The following HAUS8 variants were observed in gnomAD, a reference collection of about 807,000 sequenced individuals.
HAUS8 encodes the protein HAUS augmin-like complex subunit 8.
Under a neutral mutation model 42.9 loss-of-function variants are expected in HAUS8, and 38 were observed. The ratio of observed to expected loss-of-function variants is 0.89; its 90% CI spans 0.68 to 1.16. HAUS8 has a LOEUF of 1.16. Ranked by LOEUF, HAUS8 falls within the 50% of genes most tolerant of loss-of-function variation. HAUS8 has a pLI of 0.00. For missense variants in HAUS8, 494 were observed against 511.6 expected (o/e 0.97, Z 0.33); for synonymous variants, 199 against 205.8 (o/e 0.97, Z 0.28).
At chr19:17,055,701 C>T (rs2057321315) in intron 9 of HAUS8, 160 bp downstream of exon 9, 8 of 707,280 alleles carry the variant, frequency 1.1e-5, no homozygotes, top group East Asian at 5.5e-5. Flanking sequence ...TTACTCAGGG[C>T]GAGACCCTTG....
At chr19:17,070,789 G>T (rs1179497004) in intron 2 of HAUS8, among the ~76,000 whole-genome samples, 1 of 152,220 alleles carries the variant, frequency 6.6e-6, no homozygotes, top group Non-Finnish European at 1.5e-5. Context: ...ATGATTCTAG[G>T]CCAGGCGTAG....
chr19:17,055,193 A>ATATATAG (rs1568635009), intron 9 of HAUS8: 1 of 77,982 alleles, frequency 1.3e-5, no homozygotes, highest in African/African-American at 6.4e-5. Flanking sequence ...TATATATATA[A>ATATATAG]GCCAGGTGTG....
intron 9 of HAUS8, chr19:17,054,979 A>G (rs899706617): frequency 1.3e-5 from 2 of 149,496 alleles, no homozygotes; most frequent in Non-Finnish European, 1.5e-5. Context: ...ACCTCCGCAG[A>G]AAAAAAAGAA....
At chr19:17,065,441 G>A (rs912719315) in intron 3 of HAUS8, among the ~76,000 whole-genome samples, 2 of 152,164 alleles carry the variant, frequency 1.3e-5, no homozygotes, top group Non-Finnish European at 2.9e-5. Flanking sequence ...TGAACAGACA[G>A]GACTTGCTGG....
intron 4 of HAUS8, among the ~76,000 whole-genome samples, chr19:17,061,789 G>A (rs145648308): frequency 7.9e-5 from 12 of 152,240 alleles, no homozygotes; most frequent in African/African-American, 2.9e-4. Context: ...GGTCAGAATC[G>A]CCCTTGAGTA....
chr19:17,050,959 C>T (rs2057283871), intron 10 of HAUS8, among the ~76,000 whole-genome samples: 1 of 151,780 alleles, frequency 6.6e-6, no homozygotes, highest in Admixed American at 6.6e-5. Flanking sequence ...ACTTGGGAGA[C>T]TGGGGTGGGA....
rs752318521 is a variant in HAUS8, at chr19:17,050,114, T to G, written c.992A>C (p.Gln331Pro). 1 of 1,577,156 alleles carries G rather than the reference T, an allele frequency of 6.3e-7. No homozygotes were observed. Among genetic ancestry groups the G allele is most frequent in the South Asian group, 1.2e-5 (1 of 86,038 alleles). Residue 331 changes from glutamine (Q) to proline (P), a missense_variant, in exon 11 of 11, where the codon CAG (glutamine) becomes CCG (proline). Physicochemically the swap from Gln to Pro is moderately conservative, Grantham distance 76 (BLOSUM62 -1). Transcript: ENST00000253669. The part of the protein sequence containing the change: ...EASKEAALAN[Q>P]EVWEETQGMA... Reference sequence around the variant, plus strand: ...GCCCTGGGTCTCTTCCCAGACTTCCTGGTTTGCCAAGGCTGCCTCTTTGCT... The same window carrying G: ...GCCCTGGGTCTCTTCCCAGACTTCCGGGTTTGCCAAGGCTGCCTCTTTGCT...
At chr19:17,058,175 C>A (rs1013640468) in intron 8 of HAUS8, among the ~76,000 whole-genome samples, 1 of 152,228 alleles carries the variant, frequency 6.6e-6, no homozygotes, top group African/African-American at 2.4e-5. Context: ...TCCTGTCCTT[C>A]TCCCACATGG....
intron 2 of HAUS8, among the ~76,000 whole-genome samples, chr19:17,071,812 C>T (rs1291103649): frequency 6.6e-6 from 1 of 152,172 alleles, no homozygotes; most frequent in East Asian, 1.9e-4. Context: ...GCCTGGCCAA[C>T]ATGGTGAAAC....
chr19:17,058,965 T>G, intron 6 of HAUS8, 89 bp from the exon 7 acceptor site: 1 of 1,024,504 alleles, frequency 9.8e-7, no homozygotes, highest in Non-Finnish European at 1.4e-6. Context: ...CTGGCTTGTG[T>G]GGATTTTCTG....
intron 5 of HAUS8, 132 bp from the exon 6 acceptor site, chr19:17,059,783 C>T: frequency 1.4e-6 from 1 of 695,138 alleles, no homozygotes; most frequent in Non-Finnish European, 2.5e-6. Flanking sequence ...GGACTTATAA[C>T]AGTCCAGTTA....
chr19:17,053,310 A>T, intron 9 of HAUS8: 1 of 296,002 alleles, frequency 3.4e-6, no homozygotes, highest in Non-Finnish European at 6.5e-6. Context: ...GCAACTGAAA[A>T]ACAGTCCTTG....
chr19:17,073,423 A>T (rs985362204), intron 1 of HAUS8, 88 bp from the exon 2 acceptor site: 1 of 1,206,778 alleles, frequency 8.3e-7, no homozygotes, highest in Non-Finnish European at 1.2e-6. Context: ...GTTGAAGCTC[A>T]GACAGCCCAG....
At chr19:17,068,506 C>T (rs184010288) in intron 3 of HAUS8, among the ~76,000 whole-genome samples, 2 of 152,306 alleles carry the variant, frequency 1.3e-5, no homozygotes, top group African/African-American at 4.8e-5. Context: ...AGGGCTCACA[C>T]TTGTAATCCC....
chr19:17,075,259 CT>C, intron 1 of HAUS8, 134 bp downstream of exon 1: 1 of 969,822 alleles, frequency 1.0e-6, no homozygotes, highest in Non-Finnish European at 1.6e-6. Flanking sequence ...CCATCGGGGT[CT>C]TCAGGGGCCC....
intron 4 of HAUS8, among the ~76,000 whole-genome samples, chr19:17,060,755 C>T (rs2057355429): frequency 6.6e-6 from 1 of 152,186 alleles, no homozygotes; most frequent in African/African-American, 2.4e-5. Flanking sequence ...TGTTCATCCT[C>T]CCTGGGAGTT....
intron 3 of HAUS8, among the ~76,000 whole-genome samples, chr19:17,064,075 T>A (rs895303531): frequency 2.6e-5 from 4 of 152,352 alleles, no homozygotes; most frequent in Admixed American, 2.6e-4. Context: ...TATGTAAAAA[T>A]TCATATTTCT....
In HAUS8 at chr19:17,053,172, T is replaced by C. The variant is rs2057298744; in HGVS notation, c.788-206A>G. The C allele has an allele frequency of 8.3e-6, 5 of 605,772 alleles. No homozygotes were observed. In the Admixed American group the frequency reaches 1.2e-4, roughly 14 times the overall value. 37.5% of individuals were successfully genotyped at this position (605,772 alleles called of 1,614,324 possible). A position where few individuals can be genotyped will look rare whatever the true frequency, so the allele number is the denominator to read the frequency against. ...TGAGATTGTGGGACAGGCACATCCATCTATCCAGGAGGGCATTGGACCAGA... is the reference window on the plus strand; with the variant it reads ...TGAGATTGTGGGACAGGCACATCCACCTATCCAGGAGGGCATTGGACCAGA... On this transcript the variant is annotated intron_variant, in intron 9 of 10. Coordinates refer to ENST00000253669, the MANE Select transcript of HAUS8 (RefSeq NM_033417.2).
chr19:17,055,117 A>G (rs2057311919), intron 9 of HAUS8: 2 of 11,868 alleles, frequency 1.7e-4, no homozygotes, highest in African/African-American at 3.4e-4. Context: ...CTCTACAGAA[A>G]AAAAAAAAAA....
Sources: gnomAD v4.1 joint callset for allele counts (sites outside exome capture counted in the v4.1 genomes callset) on GRCh38, gnomAD v4.1.1 for gene constraint, MANE v1.5 for transcripts, NCBI Gene and HGNC (gene_info 2026-07-23, HGNC 2026-07-21) for gene names.